IGF2BP3: variants seen among roughly 807,000 people sequenced by gnomAD.
IGF2BP3 encodes insulin like growth factor 2 mRNA binding protein 3, also known as insulin-like growth factor 2 mRNA-binding protein 3.
In IGF2BP3, 9 loss-of-function variants were observed where a neutral mutation model predicts 73.8. That is an observed-to-expected ratio of 0.12 (90% confidence interval 0.07 to 0.21). The LOEUF is 0.21. Among genes scored for constraint, IGF2BP3 ranks in the 10% least tolerant of loss-of-function variants. The pLI, the probability that IGF2BP3 is intolerant of heterozygous loss-of-function variation, is 1.00. For synonymous variants in IGF2BP3, 258 were observed against 256.7 expected (o/e 1.01, Z -0.05); for missense variants, 542 against 714.0 (o/e 0.76, Z 2.75).
At chr7:23,417,892 C>T (rs1787237759) in intron 3 of IGF2BP3, among the ~76,000 whole-genome samples, 2 of 152,274 alleles carry the variant, frequency 1.3e-5, no homozygotes, top group Admixed American at 6.5e-5. Flanking sequence ...CAACCCCTTC[C>T]TGCAAAGCTT....
At chr7:23,372,295 A>G (rs927996569) in intron 3 of IGF2BP3, among the ~76,000 whole-genome samples, 11 of 152,150 alleles carry the variant, frequency 7.2e-5, no homozygotes, top group African/African-American at 2.2e-4. Flanking sequence ...GGCTGGCCTC[A>G]AACTCCTGAC....
intron 2 of IGF2BP3, among the ~76,000 whole-genome samples, chr7:23,445,296 C>T (rs1057398864): frequency 1.3e-5 from 2 of 152,146 alleles, no homozygotes; most frequent in Admixed American, 1.3e-4. Flanking sequence ...GAGAAAACTA[C>T]TTTTACTTAG....
intron 3 of IGF2BP3, among the ~76,000 whole-genome samples, chr7:23,375,276 G>A (rs1283874303): frequency 6.6e-6 from 1 of 152,060 alleles, no homozygotes; most frequent in African/African-American, 2.4e-5. Context: ...ATCCATCCGT[G>A]TTGGTAAATG....
rs377149689 is a variant in IGF2BP3, at chr7:23,348,966, C to T, written c.684-1232G>A. Among the ~76,000 whole-genome samples, 22 of 152,278 alleles carry T rather than the reference C, an allele frequency of 1.4e-4. No individual in the cohort carries two copies. The South Asian group carries it at 2.5e-3, about 17-fold the overall frequency. ...TTAAGTGAAATAATGCAATTCACATCATGACATGATTTCTTTTTTAAAGTC... is the reference window on the plus strand; with the variant it reads ...TTAAGTGAAATAATGCAATTCACATTATGACATGATTTCTTTTTTAAAGTC... On this transcript the variant is annotated intron_variant, in intron 6 of 14. Coordinates refer to ENST00000258729, the MANE Select transcript of IGF2BP3 (RefSeq NM_006547.3).
At chr7:23,441,095 C>A (rs962271171) in intron 2 of IGF2BP3, among the ~76,000 whole-genome samples, 2 of 151,934 alleles carry the variant, frequency 1.3e-5, no homozygotes, top group Non-Finnish European at 2.9e-5. Context: ...TTTTGGTCTA[C>A]CATTTCAAGA....
chr7:23,427,023 T>G (rs1787530796), intron 2 of IGF2BP3, among the ~76,000 whole-genome samples: 1 of 152,236 alleles, frequency 6.6e-6, no homozygotes, highest in African/African-American at 2.4e-5. Context: ...TTTGTGCTCC[T>G]TATCACATCA....
intron 5 of IGF2BP3, among the ~76,000 whole-genome samples, chr7:23,361,008 GC>G (rs1159585688): frequency 1.3e-5 from 2 of 152,078 alleles, no homozygotes; most frequent in African/African-American, 2.4e-5. Flanking sequence ...GTCAAGTATT[GC>G]CTGTTTACTG....
intron 5 of IGF2BP3, among the ~76,000 whole-genome samples, chr7:23,360,916 C>T (rs1338173124): frequency 5.9e-5 from 9 of 152,158 alleles, no homozygotes; most frequent in African/African-American, 2.2e-4. Context: ...TGTGGGACCC[C>T]CATTTCTCTC....
At position 23,311,459 on chromosome 7, in the gene IGF2BP3, C is replaced by A. The variant is rs916193056; in HGVS notation, c.*903G>T. The stretch of plus-strand genomic sequence containing the variant: ...CCATTTAAACCAGCCGTTCCAAAAT[C>A]TCCTGCGACCACTTTGTTAGTACCG... On this transcript the variant is annotated 3_prime_UTR_variant, in exon 15 of 15. Coordinates refer to ENST00000258729, the MANE Select transcript of IGF2BP3 (RefSeq NM_006547.3). The A allele has an allele frequency of 1.4e-4, 21 of 152,604 alleles. No homozygotes were observed. Among genetic ancestry groups the A allele is most frequent in the African/African-American group, 5.1e-4 (21 of 41,456 alleles). The allele number at this position is 152,604 out of a possible 1,614,324, so 9.5% of individuals were successfully genotyped here. A position where few individuals can be genotyped will look rare whatever the true frequency, so the allele number is the denominator to read the frequency against.
intron 12 of IGF2BP3, 103 bp from the exon 13 acceptor site, chr7:23,313,756 G>A (rs1783897168): frequency 2.0e-6 from 2 of 1,025,158 alleles, no homozygotes; most frequent in African/African-American, 3.2e-5. Flanking sequence ...GCCCTTTGCA[G>A]TGATACATCT....
At chr7:23,376,777 A>G (rs1173636817) in intron 3 of IGF2BP3, among the ~76,000 whole-genome samples, 1 of 152,138 alleles carries the variant, frequency 6.6e-6, no homozygotes, top group East Asian at 1.9e-4. Context: ...CTGAGGCAGG[A>G]GGTTGGCTTG....
intron 5 of IGF2BP3, among the ~76,000 whole-genome samples, chr7:23,358,139 C>A (rs1461018683): frequency 2.6e-5 from 4 of 152,146 alleles, no homozygotes; most frequent in Non-Finnish European, 5.9e-5. Flanking sequence ...TACAGTTATT[C>A]CCATTTTAGA....
At chr7:23,400,464 G>A (rs12700429) in intron 3 of IGF2BP3, among the ~76,000 whole-genome samples, 39,122 of 152,002 alleles carry the variant, frequency 0.26, 5,146 homozygotes, top group South Asian at 0.35. Context: ...CTGTGTTGGT[G>A]TGGCAGCCTA....
intron 5 of IGF2BP3, among the ~76,000 whole-genome samples, chr7:23,359,288 G>C (rs915554675): frequency 3.3e-5 from 5 of 152,084 alleles, no homozygotes; most frequent in Admixed American, 1.3e-4. Context: ...AAGGAGGAAG[G>C]CTAAAATGTC....
At chr7:23,313,411 A>G in intron 13 of IGF2BP3, 111 bp downstream of exon 13, 1 of 1,238,406 alleles carries the variant, frequency 8.1e-7, no homozygotes, top group South Asian at 1.5e-5. Flanking sequence ...ACCTTGGTCA[A>G]GATGGTCCTG....
At chr7:23,367,574 A>G (rs944921164) in intron 3 of IGF2BP3, among the ~76,000 whole-genome samples, 12 of 152,210 alleles carry the variant, frequency 7.9e-5, no homozygotes, top group South Asian at 2.1e-4. Context: ...GGTAAGTTTA[A>G]ATTCCAACGA....
intron 3 of IGF2BP3, among the ~76,000 whole-genome samples, chr7:23,392,976 T>C (rs915987312): frequency 3.9e-5 from 6 of 152,184 alleles, no homozygotes; most frequent in South Asian, 2.1e-4. Context: ...TAACTCCCAA[T>C]TGCTATAAGG....
Position 23,445,263 on chromosome 7 carries a change from T to C in IGF2BP3, c.236+23219A>G, listed in dbSNP as rs148100697. 6.0e-3 allele frequency among the ~76,000 whole-genome samples: 908 copies of C among 152,344 alleles called. 5 individuals carry two copies. Among genetic ancestry groups the C allele is most frequent in the African/African-American group, 0.021 (859 of 41,578 alleles). ...CCATGTGCACTGTTTTTCTAAAACC[T>C]TCCAAGCTTTTTAATTAATTTAGAG... On this transcript the variant is annotated intron_variant, in intron 2 of 14. Transcript: ENST00000258729.
At chr7:23,434,399 C>T (rs1208793266) in intron 2 of IGF2BP3, among the ~76,000 whole-genome samples, 1 of 152,128 alleles carries the variant, frequency 6.6e-6, no homozygotes, top group African/African-American at 2.4e-5. Context: ...CTCACCACCC[C>T]AAAGCTTGAA....
Sources: gnomAD v4.1 joint callset for allele counts (sites outside exome capture counted in the v4.1 genomes callset) on GRCh38, gnomAD v4.1.1 for gene constraint, MANE v1.5 for transcripts, NCBI Gene and HGNC (gene_info 2026-07-23, HGNC 2026-07-21) for gene names.